Variants in GRIK5 observed in about 807,000 individuals in gnomAD.
GRIK5 encodes glutamate ionotropic receptor kainate type subunit 5.
A neutral mutation model predicts 97.4 loss-of-function variants in GRIK5; 43 were observed. That is an observed-to-expected ratio of 0.44 (90% CI 0.35 to 0.57). The LOEUF is 0.57. GRIK5 is among the 20% of genes least tolerant of loss of function. The pLI is 0.01. For synonymous variants in GRIK5, 580 were observed against 583.5 expected (o/e 0.99, Z 0.09); for missense variants, 1,015 against 1,382.0 (o/e 0.73, Z 4.21).
rs767550235 is a variant in GRIK5 at position 42,021,407 on chromosome 19, G to C, written c.1765C>G (p.Gln589Glu). 2.5e-6 allele frequency: 4 copies of C among 1,612,346 alleles called. No individual in the cohort carries two copies. Among genetic ancestry groups the C allele is most frequent in the Admixed American group, 1.7e-5 (1 of 59,860 alleles). ...CACAGGCTGTTGCCCAGCGTGTACT[G>C]GTTCTCCAGGATGTGGGGGCGTGCC... is the stretch of plus-strand genomic sequence containing the variant. ...LRARPHILEN[Q>E]YTLGNSLWFP... Residue 589 changes from glutamine (Q) to glutamate (E), a missense_variant, in exon 15 of 20, where the codon CAG (glutamine) becomes GAG (glutamate). Physicochemically the swap from Gln to Glu is conservative, Grantham distance 29. This residue lies in a region of GRIK5 where 477 missense variants were observed against 701.1 expected (regional missense o/e 0.68). Transcript: ENST00000593562. The surrounding 1 kb of genome is among the most constrained non-coding windows in gnomAD (Gnocchi z 4.2).
intron 6 of GRIK5, among the ~76,000 whole-genome samples, chr19:42,058,013 G>A (rs1351532692): frequency 6.6e-6 from 1 of 152,140 alleles, no homozygotes; most frequent in East Asian, 1.9e-4. Context: ...GGAGAGGGAA[G>A]AGACAACTGT....
At chr19:42,016,546 C>T (rs1247057847) in intron 15 of GRIK5, among the ~76,000 whole-genome samples, 1 of 152,238 alleles carries the variant, frequency 6.6e-6, no homozygotes, top group Non-Finnish European at 1.5e-5. Context: ...GGGCCACTCA[C>T]TAAGGCAGCA....
intron 1 of GRIK5, among the ~76,000 whole-genome samples, chr19:42,068,117 G>A (rs1055163460): frequency 6.6e-6 from 1 of 152,126 alleles, no homozygotes; most frequent in Non-Finnish European, 1.5e-5. Context: ...GGAGCTGCAC[G>A]ACAGGCCCAT....
chr19:42,045,853 T>C (rs1599816846), intron 11 of GRIK5, among the ~76,000 whole-genome samples: 2 of 152,222 alleles, frequency 1.3e-5, no homozygotes, highest in South Asian at 2.1e-4. Context: ...AGAAGTGAAG[T>C]AGTAAGTGGC....
chr19:42,065,697 C>A lies in GRIK5; in HGVS notation c.74G>T (p.Arg25Leu). 1.9e-6 allele frequency: 3 copies of A among 1,588,412 alleles called. No individual in the cohort carries two copies. Among genetic ancestry groups the A allele is most frequent in the Non-Finnish European group, 2.6e-6 (3 of 1,169,092 alleles). ...SPSCQVLSSL[R>L]MAAILDDQTV... ...AGGGTGCGGGAGGGCCTCACCCATG[C>A]GCAGTGATGAGAGCACCTGGCAGCT... Residue 25 changes from arginine (R) to leucine (L), a missense_variant, in exon 2 of 20, where the codon CGC (arginine) becomes CTC (leucine). By Grantham distance (102) the Arg-to-Leu change is moderately radical (BLOSUM62 -2). Around this residue, in one of 5 missense-constraint regions of GRIK5, gnomAD observed 198 missense variants for 218.2 expected, o/e 0.91. Transcript: ENST00000593562. The surrounding 1 kb of genome is among the most constrained non-coding windows in gnomAD (Gnocchi z 5.8).
chr19:42,062,659 C>G lies in GRIK5; in HGVS notation c.343-6G>C. The G allele has an allele frequency of 6.2e-7, 1 of 1,614,008 alleles. No homozygotes were observed. Among genetic ancestry groups the G allele is most frequent in the Non-Finnish European group, 8.5e-7 (1 of 1,179,934 alleles). ...CCCACCTTGATGTGGGGGATCTGGACAGAGAGGAAACTTTGGCCTCCATCC... is the reference window on the plus strand; with the variant it reads ...CCCACCTTGATGTGGGGGATCTGGAGAGAGAGGAAACTTTGGCCTCCATCC... On this transcript the variant is annotated splice_region_variant and splice_polypyrimidine_tract_variant and intron_variant, in intron 4 of 19. Coordinates refer to ENST00000593562, the MANE Select transcript of GRIK5 (RefSeq NM_002088.5). This position sits in a 1 kb window ranked among gnomAD's most constrained non-coding sequence, Gnocchi z 5.3.
rs1199230886 is a variant in GRIK5, at chr19:42,056,672, A to G, written c.893T>C (p.Leu298Pro). Residue 298 changes from leucine to proline, a missense_variant, in exon 8 of 20, where the codon CTG becomes CCG. This residue lies in a region of GRIK5 where 477 missense variants were observed against 701.1 expected (regional missense o/e 0.68). Transcript: ENST00000593562. Reference sequence around the variant, plus strand: ...TATCTGTGTGCTCACCGCAGGGCCCAGGTAGGTGCTGGCTTCACAGTTCTC... The same window carrying G: ...TATCTGTGTGCTCACCGCAGGGCCCGGGTAGGTGCTGGCTTCACAGTTCTC... ...WRENCEASTY[L>P]GPALSAALMF... The G allele has an allele frequency of 6.2e-7, 1 of 1,613,904 alleles. No individual in the cohort carries two copies. Among genetic ancestry groups the G allele is most frequent in the Non-Finnish European group, 8.5e-7 (1 of 1,179,912 alleles).
At chr19:42,068,732 T>C in intron 1 of GRIK5, 1 of 499,612 alleles carries the variant, frequency 2.0e-6, no homozygotes, top group Non-Finnish European at 3.6e-6. Context: ...CAACCTGGGC[T>C]AACAGCAAAG....
rs1169026612 is a variant in GRIK5, at chr19:41,998,791, G to A, written c.*80C>T. The A allele has an allele frequency of 7.0e-6, 5 of 716,176 alleles. No homozygotes were observed. Among genetic ancestry groups the A allele is most frequent in the Non-Finnish European group, 8.8e-6 (5 of 568,040 alleles). The allele number at this position is 716,176 out of a possible 1,614,324, so 44.4% of individuals were successfully genotyped here. A position where few individuals can be genotyped will look rare whatever the true frequency, so the allele number is the denominator to read the frequency against. On this transcript the variant is annotated 3_prime_UTR_variant, in exon 20 of 20. Coordinates refer to ENST00000593562, the MANE Select transcript of GRIK5 (RefSeq NM_002088.5). ...GCACAAGTCCTGTCCCGCGCCCGCT[G>A]CGGGAGCGGAGACTGCTGGGGCCTG...
chr19:42,018,436 A>G (rs1230183440), intron 15 of GRIK5, among the ~76,000 whole-genome samples: 1 of 151,256 alleles, frequency 6.6e-6, no homozygotes, highest in Non-Finnish European at 1.5e-5. Flanking sequence ...AGGTGAGTGG[A>G]TCACTTAAGG....
rs775736933 is a variant in GRIK5 at position 42,065,193 on chromosome 19, C to T, written c.244+30G>A. The T allele has an allele frequency of 3.1e-6, 5 of 1,588,124 alleles. No individual in the cohort carries two copies. The highest frequency in any genetic ancestry group is 3.4e-6 in the Non-Finnish European group (4 of 1,163,506). On this transcript the variant is annotated intron_variant, in intron 3 of 19. Transcript: ENST00000593562. The surrounding 1 kb of genome is among the most constrained non-coding windows in gnomAD (Gnocchi z 5.8). The stretch of plus-strand genomic sequence containing the variant: ...ACTGAGGGCCACCGACCTGCCCTGC[C>T]TCACCCCACGCCCCCATGGCCCCGC...
rs958302563 is a variant in GRIK5 at position 42,039,457 on chromosome 19, G to A, written c.1473+3095C>T. 2.6e-5 allele frequency among the ~76,000 whole-genome samples: 4 copies of A among 152,092 alleles called. No homozygotes were observed. In the East Asian group the frequency reaches 7.7e-4, roughly 29 times the overall value. On this transcript the variant is annotated intron_variant, in intron 12 of 19. Transcript: ENST00000593562. ...CATGGCACTCCAGCCTGCCTGGGCAGCAGAGCCAGAGTCCGTCTCAAAACA... is the reference window on the plus strand; with the variant it reads ...CATGGCACTCCAGCCTGCCTGGGCAACAGAGCCAGAGTCCGTCTCAAAACA...
intron 12 of GRIK5, among the ~76,000 whole-genome samples, chr19:42,037,470 C>G (rs571433342): frequency 4.9e-4 from 74 of 152,174 alleles, no homozygotes; most frequent in Non-Finnish European, 7.2e-4. Context: ...AAAAGAAAAA[C>G]AAAAACAAAC....
chr19:42,037,484 CAAAA>C (rs1056654338), intron 12 of GRIK5, among the ~76,000 whole-genome samples: 11 of 151,986 alleles, frequency 7.2e-5, no homozygotes, highest in Non-Finnish European at 1.6e-4. Flanking sequence ...AACAAACAAA[CAAAA>C]AAACCCTCTG....
At chr19:42,064,874 C>G (rs2076308239) in intron 3 of GRIK5, among the ~76,000 whole-genome samples, 1 of 152,228 alleles carries the variant, frequency 6.6e-6, no homozygotes, top group Non-Finnish European at 1.5e-5. Context: ...TAGCCTTCTC[C>G]AGAATGCCTT....
intron 11 of GRIK5, among the ~76,000 whole-genome samples, chr19:42,049,938 A>G (rs1040447574): frequency 6.6e-6 from 1 of 151,698 alleles, no homozygotes; most frequent in East Asian, 1.9e-4. Context: ...TTACGTATTT[A>G]TTTATTATTA....
chr19:42,052,423 C>T (rs773362872), intron 11 of GRIK5, among the ~76,000 whole-genome samples: 4 of 152,128 alleles, frequency 2.6e-5, no homozygotes, highest in East Asian at 1.9e-4. Flanking sequence ...TCTGGTTTCC[C>T]GTCTGCAGGC....
At chr19:42,051,746 G>A (rs546390809) in intron 11 of GRIK5, among the ~76,000 whole-genome samples, 6 of 152,290 alleles carry the variant, frequency 3.9e-5, no homozygotes, top group African/African-American at 1.4e-4. Context: ...CAATACCAGC[G>A]AATGAACAGG....
chr19:42,068,855 G>T, intron 1 of GRIK5: 1 of 683,616 alleles, frequency 1.5e-6, no homozygotes, highest in Non-Finnish European at 2.7e-6. Flanking sequence ...ACAGGGCCAA[G>T]GCCCACCGCA....
Sources: gnomAD v4.1 joint callset for allele counts (sites outside exome capture counted in the v4.1 genomes callset) on GRCh38, gnomAD v4.1.1 for gene constraint, gnomAD v4.1.1 regional missense constraint, Gnocchi (gnomAD v3.1) non-coding constraint, MANE v1.5 for transcripts, NCBI Gene and HGNC (gene_info 2026-07-23, HGNC 2026-07-21) for gene names.